GNL3: variants seen among roughly 807,000 people sequenced by gnomAD.
GNL3 encodes guanine nucleotide-binding protein-like 3.
A neutral mutation model predicts 70.6 loss-of-function variants in GNL3; 77 were observed. The observed-to-expected ratio is 1.09, with a 90% CI of 0.91 to 1.32. The LOEUF (loss-of-function observed/expected upper bound fraction) is 1.32. Among genes scored for constraint, GNL3 ranks in the 40% most tolerant of loss-of-function variants. The pLI is 0.00. For synonymous variants in GNL3, 252 were observed against 216.1 expected (o/e 1.17, Z -1.46); for missense variants, 634 against 644.0 (o/e 0.98, Z 0.17).
At chr3:52,689,501 GACAAATTCCCC>G (rs1439354634) in intron 6 of GNL3, among the ~76,000 whole-genome samples, 1 of 152,160 alleles carries the variant, frequency 6.6e-6, no homozygotes, top group Non-Finnish European at 1.5e-5. Context: ...ATGACAGTGT[GACAAATTCCCC>G]ACACCTACAC....
At position 52,686,068 on chromosome 3, in the gene GNL3, G is replaced by A; in HGVS notation, c.-25G>A. 1 of 1,093,362 alleles carries A rather than the reference G, an allele frequency of 9.1e-7. No homozygotes were observed. Among genetic ancestry groups the A allele is most frequent in the Non-Finnish European group, 1.4e-6 (1 of 703,662 alleles). 67.7% of individuals were successfully genotyped at this position (1,093,362 alleles called of 1,614,324 possible). A position where few individuals can be genotyped will look rare whatever the true frequency, so the allele number is the denominator to read the frequency against. On this transcript the variant is annotated 5_prime_UTR_variant, in exon 1 of 15. Transcript: ENST00000418458. ...GGCGCCAGCGGAGGCAGGTTGATGT[G>A]TTTGTGCTTCCTTCTACAGCCAATA...
intron 5 of GNL3, 52 bp downstream of exon 5, chr3:52,688,244 C>A (rs747783053): frequency 9.5e-7 from 1 of 1,057,474 alleles, no homozygotes; most frequent in Non-Finnish European, 1.4e-6. Context: ...TTAAAAGACT[C>A]AAGTCATTTT....
chr3:52,693,681 T>A lies in GNL3; in HGVS notation c.1374T>A (p.Gly458=). Residue 458 remains glycine, a synonymous_variant, in exon 13 of 15, where the codon GGT becomes GGA. Coordinates refer to ENST00000418458, the MANE Select transcript of GNL3 (RefSeq NM_014366.5). Reference sequence around the variant, plus strand: ...ATAGCATCCTTTTCCAGTCTTCCGGTCTGACAAATGGAATAATAGAAGAAA... The same window carrying A: ...ATAGCATCCTTTTCCAGTCTTCCGGACTGACAAATGGAATAATAGAAGAAA... The part of the protein sequence containing the change: ...LANSILFQSS[G]LTNGIIEEKD... The A allele has an allele frequency of 6.2e-7, 1 of 1,613,978 alleles. No homozygotes were observed. The highest frequency in any genetic ancestry group is 1.3e-5 in the African/African-American group (1 of 74,972).
intron 8 of GNL3, chr3:52,691,302 C>T: frequency 1.7e-6 from 1 of 604,244 alleles, no homozygotes; most frequent in Non-Finnish European, 2.9e-6. Context: ...GGACTGATTA[C>T]TGTAGGAAGC....
rs1377647159 is a variant in GNL3 at position 52,691,616 on chromosome 3, A to G, written c.856A>G (p.Met286Val). 8 of 1,567,302 alleles carry G rather than the reference A, an allele frequency of 5.1e-6. No homozygotes were observed. The highest frequency in any genetic ancestry group is 7.0e-6 in the Non-Finnish European group (8 of 1,137,542). The change falls in exon 9 of 15, where the codon ATG (methionine) becomes GTG (valine). Residue 286 changes from methionine to valine, a missense_variant. Physicochemically the swap from Met to Val is conservative, Grantham distance 21. Coordinates refer to ENST00000418458, the MANE Select transcript of GNL3 (RefSeq NM_014366.5). Reference sequence around the variant, plus strand: ...ACAGATGTGTAATGTTGGTGTATCCATGGGGCTTACAAGGTAAATGGAGGT... The same window carrying G: ...ACAGATGTGTAATGTTGGTGTATCCGTGGGGCTTACAAGGTAAATGGAGGT... ...QEQMCNVGVS[M>V]GLTRSMQVVP...
At chr3:52,686,022 C>T (rs1338002647), upstream of GNL3, 6 of 812,734 alleles carry the variant, frequency 7.4e-6, no homozygotes, top group East Asian at 1.5e-4. Flanking sequence ...TGACGCTCGT[C>T]AGTGGCTTCA....
chr3:52,689,323 G>C (rs532484699), intron 6 of GNL3, 117 bp downstream of exon 6: 2 of 999,496 alleles, frequency 2.0e-6, no homozygotes, highest in South Asian at 2.6e-5. Context: ...GCCAGAGTAC[G>C]TGCACTTTGC....
chr3:52,685,939 T>A, upstream of GNL3: 1 of 709,140 alleles, frequency 1.4e-6, no homozygotes, highest in Admixed American at 2.0e-5. Flanking sequence ...AAGCGATCCC[T>A]GCTCCGCGCG....
At chr3:52,692,775 G>T in intron 9 of GNL3, 97 bp from the exon 10 acceptor site, 1 of 876,698 alleles carries the variant, frequency 1.1e-6, no homozygotes. Flanking sequence ...CTGACTGACT[G>T]TGCTGAGTCT....
In GNL3 at chr3:52,694,096, T is replaced by A. The variant is rs1227174189; in HGVS notation, c.1560T>A (p.Thr520=). The change falls in exon 14 of 15, where the codon ACT becomes ACA. Residue 520 remains threonine, a synonymous_variant. Transcript: ENST00000418458. ...EETGEALSEE[T]TAGEQSTRSF... is the part of the protein sequence containing the mutation. ...CAGGGGAGGCACTGTCTGAGGAGAC[T>A]ACAGCAGGTGAGGCAGGCAAAAGGG... The A allele has an allele frequency of 6.2e-7, 1 of 1,612,448 alleles. No individual in the cohort carries two copies. Among genetic ancestry groups the A allele is most frequent in the South Asian group, 1.1e-5 (1 of 91,050 alleles).
intron 5 of GNL3, among the ~76,000 whole-genome samples, chr3:52,688,499 T>C (rs1259250549): frequency 6.6e-6 from 1 of 152,204 alleles, no homozygotes; most frequent in Non-Finnish European, 1.5e-5. Context: ...ATAGTTTCTT[T>C]GGTTCTAAAT....
Position 52,687,508 on chromosome 3 carries a change from G to T in GNL3, c.217G>T (p.Glu73Ter). Residue 73 changes from glutamate (E) to a stop codon, truncating the protein, a stop_gained, in exon 4 of 15, where the codon GAA becomes TAA. Coordinates refer to ENST00000418458, the MANE Select transcript of GNL3 (RefSeq NM_014366.5). LOFTEE classifies it high-confidence loss of function. ...TCCCTTATGGCTCTGACAGCTTGAA[G>T]AACTAAAACAGCAGCAGAAACTTGA... ...EAELRKQRLEELKQQQKLDRQ... is the reference protein window; with the variant it reads ...EAELRKQRLE The T allele has an allele frequency of 3.1e-6, 5 of 1,612,324 alleles. No homozygotes were observed. Among genetic ancestry groups the T allele is most frequent in the Non-Finnish European group, 4.2e-6 (5 of 1,178,450 alleles).
intron 6 of GNL3, 142 bp downstream of exon 6, chr3:52,689,348 G>C (rs781004323): frequency 7.2e-6 from 6 of 827,998 alleles, no homozygotes. Flanking sequence ...GACAGTGCTA[G>C]GCAGTGGGGA....
Position 52,686,826 on chromosome 3 carries a change from AG to A in GNL3, c.72+1del. 2 of 1,605,016 alleles carry A rather than the reference AG, an allele frequency of 1.2e-6. No homozygotes were observed. Among genetic ancestry groups the A allele is most frequent in the Non-Finnish European group, 8.5e-7 (1 of 1,171,650 alleles). ...TCHKRYKIQK[K>X]VREHHRKLRK... ...CATAAGCGGTATAAAATCCAAAAAA[AG>A]GTAAGTGTAGTGCTTGAGAGAGCTG... On this transcript the variant is annotated frameshift_variant and splice_region_variant, in exon 2 of 15. Coordinates refer to ENST00000418458, the MANE Select transcript of GNL3 (RefSeq NM_014366.5). LOFTEE classifies it high-confidence loss of function.
chr3:52,687,466 TC>T, intron 3 of GNL3, 35 bp from the exon 4 acceptor site: 1 of 1,585,656 alleles, frequency 6.3e-7, no homozygotes, highest in East Asian at 2.2e-5. Context: ...ACAACACTAG[TC>T]ACTGGTTCAC....
At chr3:52,690,498 C>T (rs764988625) in intron 6 of GNL3, 94 bp from the exon 7 acceptor site, 16 of 710,018 alleles carry the variant, frequency 2.3e-5, no homozygotes, top group South Asian at 9.2e-5. Flanking sequence ...CTCCTGAACT[C>T]GTGATCCGCC....
rs140993833 is a variant in GNL3 at position 52,694,209 on chromosome 3, G to A, written c.1584G>A (p.Arg528=). 1.8e-5 allele frequency: 29 copies of A among 1,599,772 alleles called. No homozygotes were observed. The highest frequency in any genetic ancestry group is 2.4e-5 in the Non-Finnish European group (28 of 1,167,888). Residue 528 remains arginine, a synonymous_variant, in exon 15 of 15, where the codon AGG becomes AGA. Transcript: ENST00000418458. ...EETTAGEQST[R]SFILDKIIEE... is the part of the protein sequence containing the mutation. ...GCAATATAGGTGAACAGTCTACAAG[G>A]TCTTTTATCTTGGATAAAATCATTG...
Sources: gnomAD v4.1 joint callset for allele counts (sites outside exome capture counted in the v4.1 genomes callset) on GRCh38, gnomAD v4.1.1 for gene constraint, MANE v1.5 for transcripts, NCBI Gene and HGNC (gene_info 2026-07-23, HGNC 2026-07-21) for gene names.